Variants in ALDH1A1 observed in about 807,000 individuals in gnomAD.
ALDH1A1 encodes aldehyde dehydrogenase 1A1.
Under a neutral mutation model 62.1 loss-of-function variants are expected in ALDH1A1, and 19 were observed. The ratio of observed to expected loss-of-function variants is 0.31; its 90% CI spans 0.21 to 0.45. ALDH1A1 has a LOEUF of 0.45. Among genes scored for constraint, ALDH1A1 ranks in the 20% least tolerant of loss-of-function variants. The probability of loss-of-function intolerance (pLI) is 1.00; values close to 1 mark genes in which losing one functional copy is unlikely to be tolerated. For synonymous variants in ALDH1A1, 231 were observed against 215.9 expected (o/e 1.07, Z -0.61); for missense variants, 521 against 607.1 (o/e 0.86, Z 1.49).
rs781032327 is a variant in ALDH1A1, at chr9:72,927,100, T to C, written c.504+16A>G. 5 of 1,576,898 alleles carry C rather than the reference T, an allele frequency of 3.2e-6. No individual in the cohort carries two copies. The highest frequency in any genetic ancestry group is 2.3e-5 in the South Asian group (2 of 87,524). ...CTTCTTTTTAAAATTGAGAATTATA[T>C]AGGAGAAAAGCTTACAGGAATGATT... On this transcript the variant is annotated intron_variant, in intron 5 of 12. Transcript: ENST00000297785.
At chr9:72,939,270 G>A (rs896260623) in intron 2 of ALDH1A1, among the ~76,000 whole-genome samples, 2 of 152,040 alleles carry the variant, frequency 1.3e-5, no homozygotes, top group Non-Finnish European at 2.9e-5. Context: ...AATGAAGATA[G>A]CATTTAGAAC....
intron 1 of ALDH1A1, among the ~76,000 whole-genome samples, chr9:72,949,839 TAA>T (rs11459106): frequency 1.4e-5 from 2 of 139,190 alleles, no homozygotes; most frequent in Non-Finnish European, 1.5e-5. Flanking sequence ...TTCCCTTTTA[TAA>T]AAAAAAAAAA....
At chr9:72,921,150 G>A (rs565078252) in intron 7 of ALDH1A1, among the ~76,000 whole-genome samples, 1 of 151,788 alleles carries the variant, frequency 6.6e-6, no homozygotes, top group African/African-American at 2.4e-5. Flanking sequence ...GGGAGGCTGA[G>A]GCAGGAGAAT....
intron 12 of ALDH1A1, among the ~76,000 whole-genome samples, chr9:72,903,920 T>C (rs1829839807): frequency 6.6e-6 from 1 of 152,222 alleles, no homozygotes; most frequent in Admixed American, 6.6e-5. Context: ...GTTCTTACTT[T>C]TTGTACAAAG....
At chr9:72,929,054 T>C (rs1830247099) in intron 3 of ALDH1A1, 33 bp from the exon 4 acceptor site, 1 of 1,480,250 alleles carries the variant, frequency 6.8e-7, no homozygotes, top group South Asian at 1.2e-5. Context: ...AATCTAAAAT[T>C]CCATAAGTTT....
chr9:72,916,795 G>T, intron 9 of ALDH1A1, 125 bp downstream of exon 9: 1 of 709,992 alleles, frequency 1.4e-6, no homozygotes, highest in South Asian at 4.5e-5. Context: ...ACACCAAACT[G>T]GCACAGCATT....
intron 2 of ALDH1A1, among the ~76,000 whole-genome samples, chr9:72,931,987 T>A (rs896220621): frequency 1.3e-5 from 2 of 152,206 alleles, no homozygotes; most frequent in Non-Finnish European, 2.9e-5. Context: ...ATTCTCTGGT[T>A]CTTTTGCAAT....
chr9:72,951,197 C>T (rs546144669), intron 1 of ALDH1A1, among the ~76,000 whole-genome samples: 1 of 151,964 alleles, frequency 6.6e-6, no homozygotes, highest in South Asian at 2.1e-4. Context: ...GTCACTTTCC[C>T]TAGAGGGGAG....
intron 1 of ALDH1A1, chr9:72,942,439 C>A (rs1830425567): frequency 1.1e-6 from 1 of 910,702 alleles, no homozygotes; most frequent in African/African-American, 1.8e-5. Flanking sequence ...TCCCTAGGTA[C>A]CCTTTTGTAT....
intron 11 of ALDH1A1, among the ~76,000 whole-genome samples, chr9:72,908,434 CAAAAAAAAA>C (rs386415096): frequency 2.8e-3 from 7 of 2,486 alleles, no homozygotes; most frequent in Non-Finnish European, 3.6e-3. Context: ...GACTCCAGCT[CAAAAAAAAA>C]AAAAAAAAAA....
chr9:72,927,375 A>T (rs1410919826), intron 4 of ALDH1A1, among the ~76,000 whole-genome samples, 198 bp from the exon 5 acceptor site: 1 of 152,216 alleles, frequency 6.6e-6, no homozygotes, highest in Non-Finnish European at 1.5e-5. Flanking sequence ...GATCGAGACC[A>T]TCTATATCTC....
At chr9:72,916,565 A>C (rs575330289) in intron 9 of ALDH1A1, among the ~76,000 whole-genome samples, 1 of 152,260 alleles carries the variant, frequency 6.6e-6, no homozygotes, top group South Asian at 2.1e-4. Context: ...TTCAGGAGGA[A>C]AAAATGGTAG....
At position 72,912,693 on chromosome 9, in the gene ALDH1A1, G is replaced by A. The variant is rs374164561; in HGVS notation, c.1036-571C>T. On this transcript the variant is annotated intron_variant, in intron 9 of 12. Transcript: ENST00000297785. ...CACCCTTCCCAGTTCTGGTCCCACT[G>A]GGGCAGTCAGTAAATCTGCTTCCAA... 2.0e-5 allele frequency among the ~76,000 whole-genome samples: 3 copies of A among 152,138 alleles called. No homozygotes were observed. In the East Asian group the frequency reaches 5.8e-4, roughly 29 times the overall value.
chr9:72,916,499 C>A (rs561875021), intron 9 of ALDH1A1, among the ~76,000 whole-genome samples: 1 of 152,104 alleles, frequency 6.6e-6, no homozygotes, highest in Admixed American at 6.5e-5. Context: ...CGATGACTTG[C>A]AGAGGATTTA....
chr9:72,940,464 G>T (rs1317859661), intron 1 of ALDH1A1, among the ~76,000 whole-genome samples: 1 of 152,152 alleles, frequency 6.6e-6, no homozygotes, highest in Non-Finnish European at 1.5e-5. Flanking sequence ...TTTAAGGTAT[G>T]CAATCAGTTC....
At chr9:72,934,240 G>A (rs1183331160) in intron 2 of ALDH1A1, among the ~76,000 whole-genome samples, 3 of 152,256 alleles carry the variant, frequency 2.0e-5, no homozygotes, top group Admixed American at 6.5e-5. Flanking sequence ...CACCTAGCAA[G>A]TTCTAATGTA....
chr9:72,928,988 A>G lies in ALDH1A1; in HGVS notation c.346T>C (p.Ser116Pro). ...GCTAAATCATTCAGATATGCATTGG[A>G]ATAGAGTTTTCCACCATTCATTGAC... ...MESMNGGKLYSNAYLNDLAGC... is the reference protein window; with the variant it reads ...MESMNGGKLYPNAYLNDLAGC... Residue 116 changes from serine to proline, a missense_variant, in exon 4 of 13, where the codon TCC becomes CCC. Physicochemically the swap from Ser to Pro is moderately conservative, Grantham distance 74. Transcript: ENST00000297785. The G allele has an allele frequency of 1.2e-6, 2 of 1,613,894 alleles. No individual in the cohort carries two copies. Among genetic ancestry groups the G allele is most frequent in the Non-Finnish European group, 8.5e-7 (1 of 1,179,850 alleles).
chr9:72,902,889 G>C (rs933659128), intron 12 of ALDH1A1, among the ~76,000 whole-genome samples: 5 of 151,680 alleles, frequency 3.3e-5, no homozygotes, highest in African/African-American at 1.2e-4. Flanking sequence ...AGCAGGTCTC[G>C]AGTGAAGCCT....
chr9:72,901,663 G>T (rs957579308), intron 12 of ALDH1A1, among the ~76,000 whole-genome samples: 2 of 151,998 alleles, frequency 1.3e-5, no homozygotes, highest in Non-Finnish European at 2.9e-5. Flanking sequence ...GACCCAACAA[G>T]AATTTTGTCA....
Sources: gnomAD v4.1 joint callset for allele counts (sites outside exome capture counted in the v4.1 genomes callset) on GRCh38, gnomAD v4.1.1 for gene constraint, MANE v1.5 for transcripts, NCBI Gene and HGNC (gene_info 2026-07-23, HGNC 2026-07-21) for gene names.